The following SH3D19 variants were observed in gnomAD, a reference collection of about 807,000 sequenced individuals.
SH3D19 encodes SH3 domain containing 19, also known as SH3 domain-containing protein 19.
SH3D19 carries 58 observed loss-of-function variants against 112.1 expected under a neutral mutation model. That is an observed-to-expected ratio of 0.52 (90% CI 0.42 to 0.64). SH3D19 has a LOEUF of 0.64. Ranked by LOEUF, SH3D19 falls within the 30% of genes least tolerant of loss-of-function variation. The probability of loss-of-function intolerance (pLI) is 0.00; values close to 1 mark genes in which losing one functional copy is unlikely to be tolerated. For missense variants in SH3D19, 1,090 were observed against 1,263.4 expected (o/e 0.86, Z 2.08); for synonymous variants, 391 against 448.5 (o/e 0.87, Z 1.62).
chr4:151,147,817 A>T, intron 11 of SH3D19, 105 bp downstream of exon 11: 1 of 1,421,016 alleles, frequency 7.0e-7, no homozygotes, highest in Non-Finnish European at 9.5e-7. Context: ...GCGTCAAGGG[A>T]CAATTCCACA....
intron 1 of SH3D19, among the ~76,000 whole-genome samples, chr4:151,285,588 T>C (rs1393925696): frequency 6.6e-6 from 1 of 152,206 alleles, no homozygotes; most frequent in Non-Finnish European, 1.5e-5. Context: ...AATTTATATC[T>C]GTAAATGCCT....
chr4:151,188,517 T>C (rs1335775261), intron 2 of SH3D19, among the ~76,000 whole-genome samples: 1 of 152,236 alleles, frequency 6.6e-6, no homozygotes, highest in Non-Finnish European at 1.5e-5. Flanking sequence ...AATGATATAA[T>C]GAGCATTTCC....
At chr4:151,318,554 C>G (rs949745319) in intron 1 of SH3D19, among the ~76,000 whole-genome samples, 5 of 152,062 alleles carry the variant, frequency 3.3e-5, no homozygotes, top group Non-Finnish European at 5.9e-5. Context: ...GAATTCATAA[C>G]TATTCCCAAG....
chr4:151,186,229 A>G (rs1471036243), intron 3 of SH3D19, among the ~76,000 whole-genome samples: 2 of 152,312 alleles, frequency 1.3e-5, no homozygotes, highest in East Asian at 3.9e-4. Context: ...TTAAAATACC[A>G]CACTAATAGC....
chr4:151,201,937 G>A (rs1277183851), intron 2 of SH3D19, among the ~76,000 whole-genome samples: 2 of 151,624 alleles, frequency 1.3e-5, no homozygotes, highest in African/African-American at 4.9e-5. Context: ...GCTTGAACTC[G>A]GGAGGCAGAG....
At chr4:151,275,842 A>T (rs150407160) in intron 1 of SH3D19, among the ~76,000 whole-genome samples, 36,315 of 87,880 alleles carry the variant, frequency 0.41, 6,134 homozygotes, top group Non-Finnish European at 0.56. Context: ...TATTATTATT[A>T]TTATTATTTT....
chr4:151,210,401 A>ATTT (rs34777650), intron 2 of SH3D19, among the ~76,000 whole-genome samples: 6 of 136,768 alleles, frequency 4.4e-5, no homozygotes, highest in Admixed American at 7.5e-5. Context: ...TATCATCCCA[A>ATTT]TTTTTTTTTT....
chr4:151,188,610 T>C lies in SH3D19; in HGVS notation c.153-1147A>G, dbSNP rs185018829. Among the ~76,000 whole-genome samples, 524 of 152,318 alleles carry C rather than the reference T, an allele frequency of 3.4e-3. 5 individuals carry two copies. Among genetic ancestry groups the C allele is most frequent in the African/African-American group, 0.012 (490 of 41,572 alleles). ...TCGGATTAGGGATACTCAATCTTAA[T>C]ATGGAAGGGGTAACAGCCCTCTTAG... On this transcript the variant is annotated intron_variant, in intron 2 of 19. Transcript: ENST00000604030.
chr4:151,126,667 C>T (rs1309625997), intron 19 of SH3D19, among the ~76,000 whole-genome samples: 8 of 149,206 alleles, frequency 5.4e-5, no homozygotes, highest in African/African-American at 7.4e-5. Context: ...GGCATGGTGG[C>T]GGGCACCTGT....
chr4:151,236,547 G>C (rs1263118786), intron 1 of SH3D19, among the ~76,000 whole-genome samples: 1 of 151,866 alleles, frequency 6.6e-6, no homozygotes, highest in African/African-American at 2.4e-5. Flanking sequence ...GATTGTAAAC[G>C]CACCAATCAG....
intron 1 of SH3D19, among the ~76,000 whole-genome samples, chr4:151,297,321 G>A (rs1230389065): frequency 6.6e-6 from 1 of 152,188 alleles, no homozygotes; most frequent in Non-Finnish European, 1.5e-5. Flanking sequence ...CCATGTAGTT[G>A]GATAAAGTAA....
At position 151,325,577 on chromosome 4, in the gene SH3D19, T is replaced by G. The variant is rs1033536127; in HGVS notation, c.-225A>C. On this transcript the variant is annotated 5_prime_UTR_variant, in exon 1 of 20. Transcript: ENST00000604030. ...GGGCCGAGCCGATTCCCCGCCTCCT[T>G]GCGGCGTCCCGGCGGCCTCTTAATC... 20 of 271,496 alleles carry G rather than the reference T, an allele frequency of 7.4e-5. No homozygotes were observed. Among genetic ancestry groups the G allele is most frequent in the Non-Finnish European group, 1.3e-4 (19 of 145,970 alleles). 16.8% of individuals were successfully genotyped at this position (271,496 alleles called of 1,614,324 possible).
At chr4:151,278,211 T>C (rs527866058) in intron 1 of SH3D19, among the ~76,000 whole-genome samples, 1 of 152,182 alleles carries the variant, frequency 6.6e-6, no homozygotes, top group Non-Finnish European at 1.5e-5. Flanking sequence ...TAAACTAACA[T>C]ACTTCATATT....
intron 7 of SH3D19, among the ~76,000 whole-genome samples, chr4:151,166,730 T>G (rs1040976759): frequency 6.6e-6 from 1 of 152,190 alleles, no homozygotes; most frequent in South Asian, 2.1e-4. Context: ...TGAACAGCAT[T>G]CAAATTCTGC....
intron 1 of SH3D19, among the ~76,000 whole-genome samples, chr4:151,263,374 T>C (rs953601746): frequency 6.6e-5 from 10 of 152,184 alleles, no homozygotes; most frequent in Non-Finnish European, 1.2e-4. Context: ...GGGATTAGAC[T>C]GGATTCTGAG....
intron 2 of SH3D19, among the ~76,000 whole-genome samples, chr4:151,193,453 G>T (rs1762955049): frequency 6.6e-6 from 1 of 152,038 alleles, no homozygotes; most frequent in African/African-American, 2.4e-5. Context: ...ACAGAATTTT[G>T]GAAGTAATTC....
intron 2 of SH3D19, among the ~76,000 whole-genome samples, chr4:151,189,861 G>C (rs1173249641): frequency 1.3e-5 from 2 of 152,142 alleles, no homozygotes; most frequent in Non-Finnish European, 2.9e-5. Context: ...ATGTGGAAGC[G>C]ACTTTGGAAC....
chr4:151,168,726 C>G (rs1452983495), intron 7 of SH3D19, among the ~76,000 whole-genome samples: 1 of 152,110 alleles, frequency 6.6e-6, no homozygotes, highest in Non-Finnish European at 1.5e-5. Flanking sequence ...AGCCACTGTG[C>G]CTGGCCTGAA....
intron 1 of SH3D19, among the ~76,000 whole-genome samples, chr4:151,299,370 C>T (rs896578373): frequency 2.0e-5 from 3 of 152,132 alleles, no homozygotes; most frequent in South Asian, 4.1e-4. Context: ...CACCTGAGGT[C>T]AGGAGTTCGA....
Sources: allele counts gnomAD v4.1 joint callset (sites outside exome capture counted in the v4.1 genomes callset), GRCh38; gene constraint gnomAD v4.1.1; transcripts MANE v1.5; gene names NCBI Gene and HGNC (gene_info 2026-07-23, HGNC 2026-07-21).